Variants in PTPRE observed in about 807,000 individuals in gnomAD.
PTPRE encodes protein tyrosine phosphatase receptor type E, also known as receptor-type tyrosine-protein phosphatase epsilon.
PTPRE carries 51 observed loss-of-function variants against 102.0 expected under a neutral mutation model. The observed-to-expected ratio is 0.50, with a 90% CI of 0.40 to 0.63. The LOEUF (loss-of-function observed/expected upper bound fraction) is 0.63. Among genes scored for constraint, PTPRE ranks in the 30% least tolerant of loss-of-function variants. The pLI is 0.00. For missense variants in PTPRE, 752 were observed against 915.1 expected (o/e 0.82, Z 2.30); for synonymous variants, 345 against 348.2 (o/e 0.99, Z 0.10).
intron 2 of PTPRE, among the ~76,000 whole-genome samples, chr10:127,984,369 C>T (rs575693331): frequency 6.6e-6 from 1 of 152,196 alleles, no homozygotes. Context: ...GCATGAGCCA[C>T]CGCGCCTGGC....
chr10:128,023,169 T>G (rs1017104494), intron 2 of PTPRE, among the ~76,000 whole-genome samples: 1 of 152,236 alleles, frequency 6.6e-6, no homozygotes, highest in Non-Finnish European at 1.5e-5. Flanking sequence ...AGAATTGTTC[T>G]ATTTTATTAT....
chr10:128,007,996 C>G (rs376143403), intron 2 of PTPRE, among the ~76,000 whole-genome samples: 4 of 152,164 alleles, frequency 2.6e-5, no homozygotes, highest in South Asian at 2.1e-4. Flanking sequence ...GATGGAACCC[C>G]GAGCTTCTCA....
At position 128,014,714 on chromosome 10, in the gene PTPRE, C is replaced by G. The variant is rs1000235544; in HGVS notation, c.-7-26161C>G. Among the ~76,000 whole-genome samples, 10 of 152,204 alleles carry G rather than the reference C, an allele frequency of 6.6e-5. No homozygotes were observed. In the East Asian group the frequency reaches 1.9e-3, roughly 29 times the overall value. On this transcript the variant is annotated intron_variant, in intron 2 of 20. Coordinates refer to ENST00000254667, the MANE Select transcript of PTPRE (RefSeq NM_006504.6). Reference sequence around the variant, plus strand: ...AAAAAAAATCAGCAATCCCCCATCCCCCGTCTCAACCCCAGCTTCACCTTG... The same window carrying G: ...AAAAAAAATCAGCAATCCCCCATCCGCCGTCTCAACCCCAGCTTCACCTTG...
chr10:127,987,447 G>C, intron 2 of PTPRE: 1 of 871,640 alleles, frequency 1.1e-6, no homozygotes, highest in Non-Finnish European at 1.6e-6. Flanking sequence ...TTGTGTCATG[G>C]TTGCTTCTAA....
rs548464072 is a variant in PTPRE at position 127,971,616 on chromosome 10, C to G, written c.-30-10658C>G. Among the ~76,000 whole-genome samples the G allele has an allele frequency of 3.3e-4, 51 of 152,332 alleles. 1 individual carries two copies. In the South Asian group the frequency reaches 0.01, roughly 31 times the overall value. ...GGAGTAAGGAAGGTCAGATGTGTGC[C>G]CATCCCGGCCTGCAGCGAGTGCTTG... On this transcript the variant is annotated intron_variant, in intron 1 of 20. Transcript: ENST00000254667.
intron 2 of PTPRE, among the ~76,000 whole-genome samples, chr10:128,021,667 C>T (rs1025204276): frequency 1.3e-5 from 2 of 152,242 alleles, no homozygotes; most frequent in Non-Finnish European, 2.9e-5. Context: ...ACCTCCTGTT[C>T]TTCTCACCAG....
At chr10:127,943,922 C>T (rs1848428547) in intron 1 of PTPRE, among the ~76,000 whole-genome samples, 1 of 152,120 alleles carries the variant, frequency 6.6e-6, no homozygotes, top group Non-Finnish European at 1.5e-5. Flanking sequence ...GTTGACCTGG[C>T]TGTGGACTCT....
intron 3 of PTPRE, among the ~76,000 whole-genome samples, chr10:128,045,452 T>A (rs190350561): frequency 6.6e-6 from 1 of 152,334 alleles, no homozygotes; most frequent in East Asian, 1.9e-4. Context: ...CTCTGTGTGA[T>A]GCAGAAGTGG....
chr10:127,913,666 C>G (rs1846016689), intron 1 of PTPRE, among the ~76,000 whole-genome samples: 1 of 152,186 alleles, frequency 6.6e-6, no homozygotes, highest in Non-Finnish European at 1.5e-5. Context: ...CAAGGGCGCT[C>G]TGAGGGTCGG....
At chr10:127,936,854 G>C (rs919676008) in intron 1 of PTPRE, among the ~76,000 whole-genome samples, 2 of 152,154 alleles carry the variant, frequency 1.3e-5, no homozygotes, top group African/African-American at 4.8e-5. Flanking sequence ...CTGGAGGATG[G>C]TCTAGTTGGC....
intron 2 of PTPRE, among the ~76,000 whole-genome samples, chr10:127,997,654 T>C (rs1853409426): frequency 6.6e-6 from 1 of 152,140 alleles, no homozygotes; most frequent in African/African-American, 2.4e-5. Context: ...AAAGGAGATA[T>C]ACAAATAGGA....
intron 1 of PTPRE, among the ~76,000 whole-genome samples, chr10:127,909,299 G>C (rs1402974821): frequency 1.3e-5 from 2 of 152,202 alleles, no homozygotes; most frequent in Non-Finnish European, 2.9e-5. Flanking sequence ...AACCCCAAGA[G>C]AAGATGCATT....
At chr10:127,973,498 G>A (rs1850915616) in intron 1 of PTPRE, among the ~76,000 whole-genome samples, 2 of 152,096 alleles carry the variant, frequency 1.3e-5, no homozygotes, top group South Asian at 4.1e-4. Context: ...CAGTTGTTGT[G>A]GGGTGGAGGA....
chr10:127,971,796 C>T (rs554103189), intron 1 of PTPRE, among the ~76,000 whole-genome samples: 21 of 152,300 alleles, frequency 1.4e-4, no homozygotes, highest in Admixed American at 6.5e-4. Flanking sequence ...TGGGTGGCTC[C>T]CTCAGGCCGG....
intron 1 of PTPRE, among the ~76,000 whole-genome samples, chr10:127,933,335 A>T (rs984283719): frequency 5.3e-5 from 8 of 152,234 alleles, no homozygotes; most frequent in African/African-American, 1.9e-4. Context: ...AGTTGTTTCC[A>T]TTTCAGAGAC....
chr10:128,060,385 C>T (rs764777533), intron 7 of PTPRE, among the ~76,000 whole-genome samples: 24 of 152,208 alleles, frequency 1.6e-4, no homozygotes, highest in Non-Finnish European at 2.6e-4. Context: ...TCACTGTGCT[C>T]GCCTTCCAGC....
chr10:128,020,018 G>A (rs904807729), intron 2 of PTPRE, among the ~76,000 whole-genome samples: 34 of 135,350 alleles, frequency 2.5e-4, no homozygotes, highest in African/African-American at 9.4e-4. Flanking sequence ...CCAGAGGGTG[G>A]AGGCTGTGTG....
intron 1 of PTPRE, among the ~76,000 whole-genome samples, chr10:127,909,836 A>G (rs541691571): frequency 5.9e-5 from 9 of 152,146 alleles, no homozygotes; most frequent in Non-Finnish European, 1.3e-4. Flanking sequence ...TGGATGTTGT[A>G]TGGTTGATAG....
At chr10:128,076,405 A>G (rs1027747166) in intron 17 of PTPRE, among the ~76,000 whole-genome samples, 198 bp from the exon 18 acceptor site, 14 of 151,960 alleles carry the variant, frequency 9.2e-5, no homozygotes, top group Non-Finnish European at 1.5e-4. Context: ...TCATATATAT[A>G]TGTGTCTGTT....
Sources: gnomAD v4.1 joint callset for allele counts (sites outside exome capture counted in the v4.1 genomes callset) on GRCh38, gnomAD v4.1.1 for gene constraint, MANE v1.5 for transcripts, NCBI Gene and HGNC (gene_info 2026-07-23, HGNC 2026-07-21) for gene names.